The following DNAH9 variants were observed in gnomAD, a reference collection of about 807,000 sequenced individuals.
DNAH9 encodes dynein axonemal heavy chain 9, also known as DNAH9 variant protein.
Under a neutral mutation model 471.6 loss-of-function variants are expected in DNAH9, and 345 were observed. The observed-to-expected ratio is 0.73, with a 90% CI of 0.67 to 0.80. The LOEUF is 0.80. Ranked by LOEUF, DNAH9 falls within the 30% of genes least tolerant of loss-of-function variation. The pLI, the probability that DNAH9 is intolerant of heterozygous loss-of-function variation, is 0.00. For synonymous variants in DNAH9, 2,093 were observed against 2,123.6 expected, an observed-to-expected ratio of 0.99 and a Z score of 0.40; for missense variants, 5,407 against 5,609.2, an observed-to-expected ratio of 0.96 and a Z score of 1.15.
At position 11,937,826 on chromosome 17, in the gene DNAH9, T is replaced by C. The variant is rs1397309818; in HGVS notation, c.12660+304T>C. Among the ~76,000 whole-genome samples the C allele has an allele frequency of 6.6e-6, 1 of 152,210 alleles. No individual in the cohort carries two copies. Among genetic ancestry groups the C allele is most frequent in the Non-Finnish European group, 1.5e-5 (1 of 68,038 alleles). ...TGCCAAAGTGAAGAAAGGGCAGGGC[T>C]GAACAGTGGTGGCTTGGGAACCTTG... On this transcript the variant is annotated intron_variant, in intron 66 of 68. Coordinates refer to ENST00000262442, the MANE Select transcript of DNAH9 (RefSeq NM_001372.4). The surrounding 1 kb of genome is among the most constrained non-coding windows in gnomAD (Gnocchi z 4.1).
chr17:11,806,889 T>C (rs975130179), intron 43 of DNAH9, among the ~76,000 whole-genome samples: 9 of 152,166 alleles, frequency 5.9e-5, no homozygotes, highest in Admixed American at 5.9e-4. Flanking sequence ...GGTATATGCA[T>C]ACTGCTGAGA....
rs1462727565 is a variant in DNAH9 at position 11,617,561 on chromosome 17, A to T, written c.1055A>T (p.Tyr352Phe). 4 of 1,614,080 alleles carry T rather than the reference A, an allele frequency of 2.5e-6. No homozygotes were observed. Among genetic ancestry groups the T allele is most frequent in the South Asian group, 1.1e-5 (1 of 91,072 alleles). The change falls in exon 5 of 69, where the codon TAC becomes TTC. Residue 352 changes from tyrosine to phenylalanine, a missense_variant. Tyr to Phe is a conservative substitution (Grantham distance 22). This residue lies in a region of DNAH9 where 767 missense variants were observed against 692.5 expected (regional missense o/e 1.11). Coordinates refer to ENST00000262442, the MANE Select transcript of DNAH9 (RefSeq NM_001372.4). ...CTGATTTGGGCCACATGCAAGTCCT[A>T]CCGCTCCCCGGGAAGGCTGACTGTG... Reference protein sequence around the residue: ...VCLIWATCKSYRSPGRLTVLL... With the variant: ...VCLIWATCKSFRSPGRLTVLL...
chr17:11,931,947 C>G, intron 63 of DNAH9, 67 bp from the exon 64 acceptor site: 1 of 1,558,146 alleles, frequency 6.4e-7, no homozygotes, highest in Non-Finnish European at 8.8e-7. Flanking sequence ...TGATTGTAAC[C>G]TCACCCTAGC....
chr17:11,901,968 C>G (rs1280412870), intron 59 of DNAH9, among the ~76,000 whole-genome samples: 1 of 152,176 alleles, frequency 6.6e-6, no homozygotes. Flanking sequence ...CTTTCACAAC[C>G]TGTAGAGCCT....
intron 49 of DNAH9, among the ~76,000 whole-genome samples, chr17:11,836,678 A>T (rs948972041): frequency 6.6e-6 from 1 of 152,080 alleles, no homozygotes; most frequent in Admixed American, 6.6e-5. Context: ...GTCCCTCTCC[A>T]TTCATTCCGT....
chr17:11,701,646 T>C (rs1321030392), intron 24 of DNAH9, among the ~76,000 whole-genome samples: 5 of 152,094 alleles, frequency 3.3e-5, no homozygotes, highest in Admixed American at 2.6e-4. Context: ...CTGACACATA[T>C]GACTGGTGTT....
intron 59 of DNAH9, among the ~76,000 whole-genome samples, chr17:11,899,331 C>G (rs1445412253): frequency 1.3e-5 from 2 of 152,026 alleles, no homozygotes; most frequent in Admixed American, 1.3e-4. Flanking sequence ...TAGGTCCCAT[C>G]AAATGTAGAA....
In DNAH9 at chr17:11,854,235, A is replaced by C; in HGVS notation, c.9740A>C (p.Asp3247Ala). The C allele has an allele frequency of 6.2e-7, 1 of 1,614,040 alleles. No individual in the cohort carries two copies. Among genetic ancestry groups the C allele is most frequent in the Non-Finnish European group, 8.5e-7 (1 of 1,180,020 alleles). The change falls in exon 50 of 69, where the codon GAC (aspartate) becomes GCC (alanine). Residue 3247 changes from aspartate (D) to alanine (A), a missense_variant. By Grantham distance (126) the Asp-to-Ala change is moderately radical (BLOSUM62 -2). Transcript: ENST00000262442. ...CLKAIRPYLQ[D>A]PEFNPEFVAT... is the part of the protein sequence containing the mutation. ...AAAGCCATCAGGCCGTATCTGCAAG[A>C]CCCCGAGTTCAATCCTGAGTTTGTG...
intron 19 of DNAH9, among the ~76,000 whole-genome samples, chr17:11,686,626 C>T (rs1304524910): frequency 6.6e-6 from 1 of 152,146 alleles, no homozygotes; most frequent in Non-Finnish European, 1.5e-5. Context: ...AGAAAATGAT[C>T]ACCCACAAAT....
rs1490779250 is a variant in DNAH9, at chr17:11,937,534, G to C, written c.12660+12G>C. ...CAAGAGAAGAAAAGGTGTGTGTGGT[G>C]GGGACTGCCTGAGGTCGTTCTGGGG... is the stretch of plus-strand genomic sequence containing the variant. On this transcript the variant is annotated intron_variant, in intron 66 of 68. Transcript: ENST00000262442. This position sits in a 1 kb window ranked among gnomAD's most constrained non-coding sequence, Gnocchi z 4.1. 1 of 1,603,964 alleles carries C rather than the reference G, an allele frequency of 6.2e-7. No homozygotes were observed. The highest frequency in any genetic ancestry group is 1.3e-5 in the African/African-American group (1 of 74,652).
chr17:11,907,459 A>G (rs1244281325), intron 61 of DNAH9, among the ~76,000 whole-genome samples: 1 of 65,396 alleles, frequency 1.5e-5, no homozygotes, highest in African/African-American at 5.7e-5. Flanking sequence ...AACAAGAGTG[A>G]AAAAAAAAAA....
intron 43 of DNAH9, among the ~76,000 whole-genome samples, chr17:11,798,229 A>G (rs201824277): frequency 6.6e-6 from 1 of 151,844 alleles, no homozygotes; most frequent in Non-Finnish European, 1.5e-5. Flanking sequence ...TCAGGAGATC[A>G]AGACCATCCT....
intron 67 of DNAH9, among the ~76,000 whole-genome samples, chr17:11,951,937 A>T (rs915822922): frequency 6.6e-6 from 1 of 151,824 alleles, no homozygotes; most frequent in Non-Finnish European, 1.5e-5. Context: ...AAAAAAAAAA[A>T]AATTAATTAA....
Position 11,924,400 on chromosome 17 carries a change from A to T in DNAH9, c.11877+459A>T, listed in dbSNP as rs556921814. Reference sequence around the variant, plus strand: ...GAGCAACCTTAGCCTCTTCACTGAGAGCTCATGTTGGTGTTTGGAATCTGG... The same window carrying T: ...GAGCAACCTTAGCCTCTTCACTGAGTGCTCATGTTGGTGTTTGGAATCTGG... On this transcript the variant is annotated intron_variant, in intron 62 of 68. Transcript: ENST00000262442. 3.3e-5 allele frequency among the ~76,000 whole-genome samples: 5 copies of T among 152,018 alleles called. No individual in the cohort carries two copies. In the South Asian group the frequency reaches 1.0e-3, roughly 32 times the overall value.
chr17:11,689,996 G>A lies in DNAH9; in HGVS notation c.4174G>A (p.Ala1392Thr), dbSNP rs1385715195. ...GCGGCACTGGAGGCAGCTGATGCAG[G>A]CCACCGGTGTGAGCTTCACTATGGA... ...RERHWRQLMQ[A>T]TGVSFTMDQD... Residue 1392 changes from alanine (A) to threonine (T), a missense_variant, in exon 20 of 69, where the codon GCC (alanine) becomes ACC (threonine). Physicochemically the swap from Ala to Thr is moderately conservative, Grantham distance 58. Around this residue, in one of 3 missense-constraint regions of DNAH9, gnomAD observed 4,636 missense variants for 4,900.3 expected, o/e 0.95. Transcript: ENST00000262442. The A allele has an allele frequency of 6.2e-7, 1 of 1,614,142 alleles. No homozygotes were observed. The highest frequency in any genetic ancestry group is 1.7e-5 in the Admixed American group (1 of 60,020).
chr17:11,744,153 T>C (rs2075477579), intron 30 of DNAH9, among the ~76,000 whole-genome samples: 1 of 152,164 alleles, frequency 6.6e-6, no homozygotes, highest in African/African-American at 2.4e-5. Context: ...GTCATGGCTC[T>C]AATTAAGTAG....
chr17:11,769,611 T>A (rs1037054781), intron 38 of DNAH9, among the ~76,000 whole-genome samples: 1 of 152,234 alleles, frequency 6.6e-6, no homozygotes, highest in Non-Finnish European at 1.5e-5. Flanking sequence ...AGCACCTTGA[T>A]GACAAAGAGA....
At chr17:11,629,394 T>G in intron 6 of DNAH9, 23 bp from the exon 7 acceptor site, 1 of 1,603,968 alleles carries the variant, frequency 6.2e-7, no homozygotes, top group Non-Finnish European at 8.5e-7. Flanking sequence ...TGATTTTAAC[T>G]TTTTTGTGAA....
intron 49 of DNAH9, among the ~76,000 whole-genome samples, chr17:11,853,674 A>G (rs1971516538): frequency 6.6e-6 from 1 of 152,252 alleles, no homozygotes; most frequent in Non-Finnish European, 1.5e-5. Context: ...TCTTTTATTC[A>G]TAGCATGCTG....
Sources: gnomAD v4.1 joint callset for allele counts (sites outside exome capture counted in the v4.1 genomes callset) on GRCh38, gnomAD v4.1.1 for gene constraint, gnomAD v4.1.1 regional missense constraint, Gnocchi (gnomAD v3.1) non-coding constraint, MANE v1.5 for transcripts, NCBI Gene and HGNC (gene_info 2026-07-23, HGNC 2026-07-21) for gene names.